Variants in CFAP54 observed in about 807,000 individuals in gnomAD.
The protein encoded by CFAP54 is cilia and flagella associated protein 54, also known as cilia- and flagella-associated protein 54.
In CFAP54, 290 loss-of-function variants were observed where a neutral mutation model predicts 370.4. The ratio of observed to expected loss-of-function variants is 0.78; its 90% CI spans 0.71 to 0.86. CFAP54 has a LOEUF of 0.86. Among genes scored for constraint, CFAP54 ranks in the 40% least tolerant of loss-of-function variants. The pLI is 0.00. For missense variants in CFAP54, 3,399 were observed against 3,528.7 expected, an observed-to-expected ratio of 0.96 and a Z score of 0.93; for synonymous variants, 1,206 against 1,236.5, an observed-to-expected ratio of 0.98 and a Z score of 0.52.
intron 65 of CFAP54, among the ~76,000 whole-genome samples, chr12:96,825,354 TTATATTA>T (rs1385806279): frequency 1.4e-4 from 18 of 124,636 alleles, no homozygotes; most frequent in Non-Finnish European, 1.6e-5. Context: ...ATGTAACATG[TTATATTA>T]TATATTATGT....
chr12:96,829,503 C>T (rs1231919759), intron 66 of CFAP54, among the ~76,000 whole-genome samples: 1 of 151,972 alleles, frequency 6.6e-6, no homozygotes, highest in Non-Finnish European at 1.5e-5. Flanking sequence ...GAAAAGTCTA[C>T]TTTGTCATAT....
At chr12:96,601,905 G>A (rs187168726) in intron 26 of CFAP54, among the ~76,000 whole-genome samples, 5 of 151,826 alleles carry the variant, frequency 3.3e-5, no homozygotes, top group African/African-American at 9.7e-5. Flanking sequence ...TTCAAAAAAC[G>A]AGCTCCTGGA....
intron 52 of CFAP54, among the ~76,000 whole-genome samples, chr12:96,742,887 T>G (rs1329600505): frequency 6.6e-6 from 1 of 152,200 alleles, no homozygotes; most frequent in Non-Finnish European, 1.5e-5. Context: ...GAGCACAGAT[T>G]ACTGGAGCCA....
At chr12:96,856,327 A>T (rs1959703323) in intron 66 of CFAP54, among the ~76,000 whole-genome samples, 1 of 152,224 alleles carries the variant, frequency 6.6e-6, no homozygotes, top group Admixed American at 6.5e-5. Flanking sequence ...ATGCAAATTT[A>T]TGCAGGAGGC....
chr12:96,621,434 C>T (rs1294639935), intron 26 of CFAP54, among the ~76,000 whole-genome samples, 156 bp from the exon 27 acceptor site: 2 of 143,072 alleles, frequency 1.4e-5, no homozygotes, highest in Non-Finnish European at 3.1e-5. Flanking sequence ...TGTGTTAATA[C>T]GATCTGGAGG....
chr12:96,783,754 C>T (rs868849717), intron 60 of CFAP54, among the ~76,000 whole-genome samples: 1 of 152,112 alleles, frequency 6.6e-6, no homozygotes, highest in Non-Finnish European at 1.5e-5. Flanking sequence ...GGCATGGTGG[C>T]GCATGCCTGT....
At chr12:96,613,334 A>G (rs1401808414) in intron 26 of CFAP54, among the ~76,000 whole-genome samples, 3 of 152,246 alleles carry the variant, frequency 2.0e-5, no homozygotes, top group Admixed American at 6.5e-5. Context: ...GAACATAGAC[A>G]CAACATACCA....
chr12:96,748,376 C>A (rs1444362069), intron 55 of CFAP54, among the ~76,000 whole-genome samples: 1 of 152,094 alleles, frequency 6.6e-6, no homozygotes, highest in Non-Finnish European at 1.5e-5. Context: ...TTTCTAATTT[C>A]TAATATCTAA....
At chr12:96,689,265 A>G (rs1354855577) in intron 43 of CFAP54, among the ~76,000 whole-genome samples, 1 of 151,954 alleles carries the variant, frequency 6.6e-6, no homozygotes, top group Non-Finnish European at 1.5e-5. Flanking sequence ...GGTTCAAGCA[A>G]TTCTTGTGCC....
Position 96,651,700 on chromosome 12 carries a change from A to T in CFAP54, c.4985A>T (p.Lys1662Ile). The change falls in exon 36 of 68, where the codon AAA becomes ATA. Residue 1662 changes from lysine to isoleucine, a missense_variant. Lys to Ile is a moderately radical substitution (Grantham distance 102, BLOSUM62 -3). Transcript: ENST00000524981. ...ILLKQAVDLD[K>I]TFPISQDGFL... ...CTTAAACAGGCAGTGGATCTTGATAAAACATTTCCTATTAGCCAAGATGGT... is the reference window on the plus strand; with the variant it reads ...CTTAAACAGGCAGTGGATCTTGATATAACATTTCCTATTAGCCAAGATGGT... 6.2e-7 allele frequency: 1 copy of T among 1,614,032 alleles called. No individual in the cohort carries two copies.
rs1955271000 is a variant in CFAP54 at position 96,518,908 on chromosome 12, TGGTGCCC to T, written c.799-19_799-13del. ...TAACTTCAAATGAAAACAAATCCAA[TGGTGCCC>T]TTTATTTTGCAGGCCTTAGAGTATC... On this transcript the variant is annotated splice_polypyrimidine_tract_variant and intron_variant, in intron 5 of 67. Coordinates refer to ENST00000524981, the MANE Select transcript of CFAP54 (RefSeq NM_001306084.2). 6.6e-7 allele frequency: 1 copy of T among 1,510,506 alleles called. No individual in the cohort carries two copies. Among genetic ancestry groups the T allele is most frequent in the African/African-American group, 1.4e-5 (1 of 72,384 alleles). 93.6% of individuals were successfully genotyped at this position (1,510,506 alleles called of 1,614,324 possible).
chr12:96,647,283 C>G (rs1008821572), intron 33 of CFAP54, among the ~76,000 whole-genome samples: 1 of 151,440 alleles, frequency 6.6e-6, no homozygotes, highest in Admixed American at 6.6e-5. Context: ...ACCATCCTGG[C>G]TAACACGCTG....
intron 26 of CFAP54, among the ~76,000 whole-genome samples, chr12:96,619,466 T>G (rs947799787): frequency 9.0e-6 from 1 of 110,914 alleles, no homozygotes; most frequent in African/African-American, 3.5e-5. Context: ...CTTTCTTCTT[T>G]AAGCATCAGT....
In CFAP54 at chr12:96,756,543, G is replaced by A. The variant is rs1345838055; in HGVS notation, c.7926G>A (p.Leu2642=). Residue 2642 remains leucine (L), a synonymous_variant, in exon 57 of 68, where the codon CTG becomes CTA. Coordinates refer to ENST00000524981, the MANE Select transcript of CFAP54 (RefSeq NM_001306084.2). ...ESLYEAIQLS[L]KNDQNSGLIR... ...TATATGAAGCTATACAACTAAGCCT[G>A]AAAAATGATCAAAACTCAGGGTAAA... 6.2e-7 allele frequency: 1 copy of A among 1,600,838 alleles called. No homozygotes were observed. Among genetic ancestry groups the A allele is most frequent in the Admixed American group, 1.7e-5 (1 of 58,198 alleles).
intron 55 of CFAP54, among the ~76,000 whole-genome samples, chr12:96,747,559 T>C (rs2136649049): frequency 6.6e-6 from 1 of 152,288 alleles, no homozygotes; most frequent in East Asian, 1.9e-4. Context: ...CCTTTTCAAA[T>C]ATTTGAAGAA....
chr12:96,687,255 C>A (rs973861923), intron 42 of CFAP54, among the ~76,000 whole-genome samples: 2 of 152,208 alleles, frequency 1.3e-5, no homozygotes, highest in African/African-American at 2.4e-5. Context: ...TTAATCACAT[C>A]TGCGAAGACT....
chr12:96,529,076 G>C (rs527527329), intron 9 of CFAP54, among the ~76,000 whole-genome samples: 3 of 152,150 alleles, frequency 2.0e-5, no homozygotes, highest in African/African-American at 7.2e-5. Context: ...TTATCTTTTG[G>C]TTACTGATTT....
intron 45 of CFAP54, among the ~76,000 whole-genome samples, chr12:96,698,334 T>C (rs1470256835): frequency 6.6e-6 from 1 of 152,190 alleles, no homozygotes; most frequent in African/African-American, 2.4e-5. Flanking sequence ...TTTTAAAATA[T>C]ATGTATTTAA....
chr12:96,789,186 T>C (rs1219401951), intron 62 of CFAP54, among the ~76,000 whole-genome samples: 1 of 152,136 alleles, frequency 6.6e-6, no homozygotes, highest in African/African-American at 2.4e-5. Context: ...GCAGAGAGTG[T>C]TCACTTCCTG....
Sources: gnomAD v4.1 joint callset for allele counts (sites outside exome capture counted in the v4.1 genomes callset) on GRCh38, gnomAD v4.1.1 for gene constraint, MANE v1.5 for transcripts, NCBI Gene and HGNC (gene_info 2026-07-23, HGNC 2026-07-21) for gene names.